DAB2IP: variants seen among roughly 807,000 people sequenced by gnomAD.
DAB2IP encodes the protein disabled homolog 2-interacting protein.
DAB2IP carries 28 observed loss-of-function variants against 107.2 expected under a neutral mutation model. The ratio of observed to expected loss-of-function variants is 0.26; its 90% CI spans 0.19 to 0.36. The LOEUF is 0.36. Among genes scored for constraint, DAB2IP ranks in the 10% least tolerant of loss-of-function variants. The pLI is 1.00. For missense variants in DAB2IP, 1,400 were observed against 1,644.7 expected, an observed-to-expected ratio of 0.85 and a Z score of 2.57; for synonymous variants, 755 against 706.4, an observed-to-expected ratio of 1.07 and a Z score of -1.09.
At chr9:121,761,510 C>G (rs150763744) in intron 6 of DAB2IP, among the ~76,000 whole-genome samples, 1 of 152,218 alleles carries the variant, frequency 6.6e-6, no homozygotes, top group Non-Finnish European at 1.5e-5. Context: ...AGGTCCCTCA[C>G]CCTCTCACCT....
At chr9:121,569,267 T>G (rs1829878233) in intron 1 of DAB2IP, among the ~76,000 whole-genome samples, 1 of 152,240 alleles carries the variant, frequency 6.6e-6, no homozygotes, top group Non-Finnish European at 1.5e-5. Context: ...ACTTTCAGGT[T>G]CTGGACTGGG....
chr9:121,575,236 T>G (rs2118891508), intron 1 of DAB2IP: 1 of 152,750 alleles, frequency 6.5e-6, no homozygotes, highest in South Asian at 2.1e-4. Flanking sequence ...TTCTATCTGC[T>G]GCGCCTCCGT....
At chr9:121,715,157 G>T (rs1250514910) in intron 3 of DAB2IP, among the ~76,000 whole-genome samples, 1 of 152,138 alleles carries the variant, frequency 6.6e-6, no homozygotes, top group Non-Finnish European at 1.5e-5. Context: ...TCTTTAGCTA[G>T]GGTTAAGGAC....
At chr9:121,644,941 A>G (rs1402081945) in intron 1 of DAB2IP, among the ~76,000 whole-genome samples, 1 of 152,204 alleles carries the variant, frequency 6.6e-6, no homozygotes, top group Non-Finnish European at 1.5e-5. Flanking sequence ...CCTCCCCTGG[A>G]ACCCAGGCCA....
chr9:121,775,912 C>T (rs977955652), intron 13 of DAB2IP, among the ~76,000 whole-genome samples: 6 of 152,196 alleles, frequency 3.9e-5, no homozygotes, highest in Admixed American at 2.6e-4. Context: ...CCTAGTTACA[C>T]CCTCAGTCCT....
chr9:121,630,797 A>G (rs1831848287), intron 1 of DAB2IP, among the ~76,000 whole-genome samples: 1 of 151,962 alleles, frequency 6.6e-6, no homozygotes, highest in African/African-American at 2.4e-5. Context: ...TAGTAGAGAC[A>G]GGGTTTCACC....
At chr9:121,670,791 C>T (rs906917361) in intron 1 of DAB2IP, among the ~76,000 whole-genome samples, 4 of 151,894 alleles carry the variant, frequency 2.6e-5, no homozygotes, top group Middle Eastern at 3.4e-3. Context: ...CCGAGGCTGG[C>T]GGATCACTTG....
At chr9:121,641,823 CTCTTTCTTTCTTTTCTT>C (rs1481225929) in intron 1 of DAB2IP, among the ~76,000 whole-genome samples, 29 of 151,730 alleles carry the variant, frequency 1.9e-4, no homozygotes, top group Non-Finnish European at 4.0e-4. Context: ...TTCTTCCTTC[CTCTTTCTTTCTTTTCTT>C]TCTTTCTTTT....
intron 1 of DAB2IP, among the ~76,000 whole-genome samples, chr9:121,620,649 G>A (rs1014655135): frequency 6.6e-6 from 1 of 152,242 alleles, no homozygotes; most frequent in Non-Finnish European, 1.5e-5. Flanking sequence ...GCCACCCTGG[G>A]GGGGTCCTGC....
chr9:121,663,672 A>G (rs1833298805), intron 1 of DAB2IP, among the ~76,000 whole-genome samples: 2 of 152,236 alleles, frequency 1.3e-5, no homozygotes, highest in South Asian at 4.1e-4. Context: ...AGGACACTGT[A>G]CCTGTACCAC....
intron 1 of DAB2IP, among the ~76,000 whole-genome samples, chr9:121,672,027 T>A (rs952382672): frequency 2.5e-4 from 38 of 152,374 alleles, no homozygotes; most frequent in African/African-American, 7.7e-4. Flanking sequence ...CCCTTTTCAC[T>A]CCATCAGCAG....
chr9:121,766,395 G>C, intron 8 of DAB2IP, 99 bp from the exon 9 acceptor site: 4 of 1,115,230 alleles, frequency 3.6e-6, no homozygotes, highest in Non-Finnish European at 5.2e-6. Flanking sequence ...CGCAGCTGGC[G>C]GGGTAGAGCC....
At position 121,774,115 on chromosome 9, in the gene DAB2IP, C is replaced by T. The variant is rs1174095810; in HGVS notation, c.2968-145C>T. The T allele has an allele frequency of 8.4e-6, 8 of 948,950 alleles. No individual in the cohort carries two copies. The East Asian group carries it at 2.2e-4, about 26-fold the overall frequency. The allele number at this position is 948,950 out of a possible 1,614,324, so 58.8% of individuals were successfully genotyped here. On this transcript the variant is annotated intron_variant, in intron 12 of 15. Transcript: ENST00000408936. ...GAGACAGTTCCCGGGTGGGGACTGC[C>T]TCGGTAGGCGCTCAGTCAGCTGGAG...
At chr9:121,709,989 C>G (rs1250017572) in intron 3 of DAB2IP, among the ~76,000 whole-genome samples, 6 of 152,166 alleles carry the variant, frequency 3.9e-5, no homozygotes, top group Non-Finnish European at 5.9e-5. Context: ...CTCACTTCAC[C>G]CTCACAGCAG....
At chr9:121,663,596 C>G (rs2150711) in intron 1 of DAB2IP, among the ~76,000 whole-genome samples, 149,046 of 152,294 alleles carry the variant, frequency 0.98, 72,943 homozygotes, top group East Asian at 1. Flanking sequence ...CCTGAGCTTA[C>G]AGACCATTGG....
intron 1 of DAB2IP, among the ~76,000 whole-genome samples, chr9:121,569,797 G>C (rs1829891740): frequency 6.6e-6 from 1 of 152,194 alleles, no homozygotes; most frequent in African/African-American, 2.4e-5. Flanking sequence ...CTCCAGCCTG[G>C]GCGACAGAGA....
At chr9:121,754,695 A>C (rs1205164555) in intron 3 of DAB2IP, among the ~76,000 whole-genome samples, 1 of 151,974 alleles carries the variant, frequency 6.6e-6, no homozygotes, top group Admixed American at 6.5e-5. Flanking sequence ...AGGGCTCTGC[A>C]ACCACAGACT....
intron 3 of DAB2IP, among the ~76,000 whole-genome samples, chr9:121,745,640 C>CG (rs1220800289): frequency 2.9e-4 from 1 of 3,478 alleles, no homozygotes; most frequent in Non-Finnish European, 6.5e-4. Context: ...TGGGGCGGGG[C>CG]GGGGGTGGGG....
intron 3 of DAB2IP, among the ~76,000 whole-genome samples, chr9:121,718,789 C>T (rs1280060802): frequency 6.6e-6 from 1 of 152,178 alleles, no homozygotes; most frequent in African/African-American, 2.4e-5. Flanking sequence ...GTGTTGTGTC[C>T]TCTCTCTGGA....
Sources: gnomAD v4.1 joint callset for allele counts (sites outside exome capture counted in the v4.1 genomes callset) on GRCh38, gnomAD v4.1.1 for gene constraint, MANE v1.5 for transcripts, NCBI Gene and HGNC (gene_info 2026-07-23, HGNC 2026-07-21) for gene names.